The following LINC00632 variants were observed in gnomAD, a reference collection of about 807,000 sequenced individuals.
The protein encoded by LINC00632 is ALDOA related specific transcript.
chrX:140,729,790 G>A (rs760769788), intron 2 of LINC00632, among the ~76,000 whole-genome samples: 3 of 110,354 alleles, frequency 2.7e-5, no homozygotes, highest in African/African-American at 9.9e-5. Flanking sequence ...AGGAATTTGA[G>A]GAGAAAAAAG....
intron 2 of LINC00632, among the ~76,000 whole-genome samples, chrX:140,717,535 C>T (rs1378771948): frequency 1.8e-5 from 2 of 110,922 alleles, no homozygotes; most frequent in African/African-American, 3.3e-5. Context: ...CAGACTTGCA[C>T]GAAAACACCC....
intron 2 of LINC00632, among the ~76,000 whole-genome samples, chrX:140,724,130 CACAG>C (rs1930846058): frequency 3.0e-5 from 3 of 99,124 alleles, no homozygotes; most frequent in African/African-American, 1.1e-4. Context: ...ACATTCCATA[CACAG>C]ACACATTCCA....
chrX:140,723,704 T>G (rs1602734945), intron 2 of LINC00632, among the ~76,000 whole-genome samples: 1 of 21 alleles, frequency 0.048, no homozygotes, highest in African/African-American at 0.12. Context: ...ACACATTCCA[T>G]ATACACACAC....
chrX:140,735,785 C>T (rs1363627164), intron 3 of LINC00632, among the ~76,000 whole-genome samples: 10 of 111,093 alleles, frequency 9.0e-5, no homozygotes. Context: ...AGGCTGGTCT[C>T]GATCTCCCAA....
chrX:140,733,230 G>A (rs780446323), intron 2 of LINC00632, among the ~76,000 whole-genome samples: 1 of 112,630 alleles, frequency 8.9e-6, no homozygotes, highest in South Asian at 3.6e-4. Context: ...ACAAACCCAC[G>A]TGCACATGCG....
rs543627171 is a variant in LINC00632, at chrX:140,729,278, T to C, written n.105-4600T>C. Among the ~76,000 whole-genome samples the C allele has an allele frequency of 4.6e-5, 5 of 109,656 alleles. No homozygotes were observed. The South Asian group carries it at 1.6e-3, about 36-fold the overall frequency. ...TCACATCGAGAATCAGCCTGTATCA[T>C]ATAGTATTGCCCGAAAATGCACAGA... On this transcript the variant is annotated intron_variant and non_coding_transcript_variant, in intron 2 of 4. Coordinates refer to ENST00000648200, the Ensembl canonical transcript of LINC00632.
chrX:140,736,245 A>T (rs1931141178), intron 3 of LINC00632, among the ~76,000 whole-genome samples: 1 of 110,985 alleles, frequency 9.0e-6, no homozygotes, highest in African/African-American at 3.3e-5. Flanking sequence ...TACCATTATA[A>T]GTCATACATG....
chrX:140,718,896 A>G (rs751453206), intron 2 of LINC00632, among the ~76,000 whole-genome samples: 4 of 111,953 alleles, frequency 3.6e-5, no homozygotes, highest in South Asian at 7.5e-4. Context: ...TACGTGCTCT[A>G]CAATACACAT....
At chrX:140,780,417 T>C (rs919155571) in exon 5 of LINC00632, among the ~76,000 whole-genome samples, 1 of 111,899 alleles carries the variant, frequency 8.9e-6, no homozygotes, top group Admixed American at 9.5e-5. Context: ...TGTCTGTAAG[T>C]TACTCCCTGA....
At chrX:140,788,142 CAAAA>C (rs940121886) in exon 5 of LINC00632, among the ~76,000 whole-genome samples, 2 of 102,238 alleles carry the variant, frequency 2.0e-5, no homozygotes, top group South Asian at 4.2e-4. Context: ...TATTAAAAAG[CAAAA>C]AAAAAATTGA....
intron 2 of LINC00632, among the ~76,000 whole-genome samples, chrX:140,723,606 T>C (rs1602734739): frequency 1.3e-4 from 1 of 7,931 alleles, no homozygotes; most frequent in African/African-American, 4.7e-4. Flanking sequence ...CAGACACACA[T>C]TCCATAAACA....
intron 3 of LINC00632, among the ~76,000 whole-genome samples, chrX:140,753,033 G>C (rs1373428722): frequency 8.9e-6 from 1 of 112,141 alleles, no homozygotes; most frequent in Non-Finnish European, 1.9e-5. Flanking sequence ...TAGATGATAT[G>C]ATTAAATTGC....
At chrX:140,776,603 G>A (rs1022727844) in exon 5 of LINC00632, among the ~76,000 whole-genome samples, 1 of 112,439 alleles carries the variant, frequency 8.9e-6, no homozygotes, top group Admixed American at 9.3e-5. Context: ...CCGCGCGTTA[G>A]GCCAGTCAGG....
intron 3 of LINC00632, among the ~76,000 whole-genome samples, chrX:140,753,282 T>C (rs1335205981): frequency 8.9e-6 from 1 of 112,177 alleles, no homozygotes; most frequent in Non-Finnish European, 1.9e-5. Context: ...CTTCCACTCT[T>C]GGGCCTCAAT....
chrX:140,716,800 C>CAG (rs1357978806), intron 2 of LINC00632, among the ~76,000 whole-genome samples: 6 of 109,230 alleles, frequency 5.5e-5, no homozygotes, highest in African/African-American at 1.0e-4. Flanking sequence ...CACACACACA[C>CAG]ACACACACAC....
chrX:140,758,969 T>C (rs1399649397), intron 3 of LINC00632, among the ~76,000 whole-genome samples: 28 of 103,012 alleles, frequency 2.7e-4, no homozygotes, highest in African/African-American at 8.1e-4. Context: ...CTTTTCTTTT[T>C]TTTTTTTTTT....
At chrX:140,728,320 C>T (rs1367307036) in intron 2 of LINC00632, among the ~76,000 whole-genome samples, 1 of 110,807 alleles carries the variant, frequency 9.0e-6, no homozygotes, top group Non-Finnish European at 1.9e-5. Flanking sequence ...TTAGATACAA[C>T]TTACAGAGGA....
rs1931351149 is a variant in LINC00632, at chrX:140,747,844, T to TACAA, written n.191+13880_191+13881insACAA. On this transcript the variant is annotated intron_variant and non_coding_transcript_variant, in intron 3 of 4. Transcript: ENST00000648200. ...TCCTCTTTGTCCAACAGTTTTTTTC[T>TACAA]GAGACAGAGTTTCACTCTTGTCGCC... Among the ~76,000 whole-genome samples, 24 of 111,838 alleles carry TACAA rather than the reference T, an allele frequency of 2.1e-4. 1 individual carries two copies. The Admixed American group carries it at 2.3e-3, about 11-fold the overall frequency.
chrX:140,765,192 G>A (rs951044989), intron 3 of LINC00632, among the ~76,000 whole-genome samples: 5 of 111,656 alleles, frequency 4.5e-5, no homozygotes, highest in Non-Finnish European at 9.4e-5. Context: ...CCTCCTCTCC[G>A]TGGTGCCACG....
Sources: gnomAD v4.1 joint callset for allele counts (sites outside exome capture counted in the v4.1 genomes callset) on GRCh38, gnomAD v4.1.1 for gene constraint, MANE v1.5 for transcripts, NCBI Gene and HGNC (gene_info 2026-07-23, HGNC 2026-07-21) for gene names.